ARHGAP24: variants seen among roughly 807,000 people sequenced by gnomAD.
ARHGAP24 encodes rho GTPase-activating protein 24.
A neutral mutation model predicts 76.4 loss-of-function variants in ARHGAP24; 50 were observed. The ratio of observed to expected loss-of-function variants is 0.65; its 90% CI spans 0.52 to 0.83. The LOEUF (loss-of-function observed/expected upper bound fraction) is 0.83, where lower values mean the gene tolerates loss of function less well. ARHGAP24 is among the 40% of genes least tolerant of loss of function. The probability of loss-of-function intolerance (pLI) is 0.00; values close to 1 mark genes in which losing one functional copy is unlikely to be tolerated. For missense variants in ARHGAP24, 930 were observed against 914.2 expected, an observed-to-expected ratio of 1.02 and a Z score of -0.22; for synonymous variants, 345 against 323.3, an observed-to-expected ratio of 1.07 and a Z score of -0.72.
intron 5 of ARHGAP24, among the ~76,000 whole-genome samples, chr4:85,959,902 G>C (rs1259396867): frequency 6.6e-6 from 1 of 152,076 alleles, no homozygotes; most frequent in Non-Finnish European, 1.5e-5. Flanking sequence ...ATTTCCAAGT[G>C]ACTAGTGATG....
At position 85,890,375 on chromosome 4, in the gene ARHGAP24, G is replaced by T. The variant is rs938965836; in HGVS notation, c.269-33273G>T. 5.9e-5 allele frequency among the ~76,000 whole-genome samples: 9 copies of T among 152,192 alleles called. No individual in the cohort carries two copies. In the South Asian group the frequency reaches 6.2e-4, roughly 11 times the overall value. Reference sequence around the variant, plus strand: ...TGGCAGAATTTTTGCTAGTGGCTCAGGATACAAGGATGACTGCATCATTTT... The same window carrying T: ...TGGCAGAATTTTTGCTAGTGGCTCATGATACAAGGATGACTGCATCATTTT... On this transcript the variant is annotated intron_variant, in intron 3 of 9. Coordinates refer to ENST00000395184, the MANE Select transcript of ARHGAP24 (RefSeq NM_001025616.3).
At chr4:85,736,980 T>C (rs1725629535) in intron 3 of ARHGAP24, among the ~76,000 whole-genome samples, 1 of 152,336 alleles carries the variant, frequency 6.6e-6, no homozygotes, top group East Asian at 1.9e-4. Flanking sequence ...TCAAATTCAA[T>C]GATAAGTTTT....
At chr4:85,535,255 G>A (rs1051306381) in intron 1 of ARHGAP24, among the ~76,000 whole-genome samples, 1 of 152,090 alleles carries the variant, frequency 6.6e-6, no homozygotes, top group Non-Finnish European at 1.5e-5. Context: ...AGTCAAAGTG[G>A]TCATTATACC....
Position 85,821,844 on chromosome 4 carries a change from T to C in ARHGAP24, c.268+99872T>C, listed in dbSNP as rs114188035. Among the ~76,000 whole-genome samples the C allele has an allele frequency of 9.5e-3, 1,441 of 152,348 alleles. 27 individuals carry two copies. The highest frequency in any genetic ancestry group is 0.032 in the African/African-American group (1,349 of 41,574). ...AAAAATAACTCGAATGATAACACTA[T>C]TACTTAAAGAGTAGGAATAATGCAA... On this transcript the variant is annotated intron_variant, in intron 3 of 9. Transcript: ENST00000395184.
At chr4:85,811,464 C>G (rs1729008509) in intron 3 of ARHGAP24, among the ~76,000 whole-genome samples, 1 of 152,112 alleles carries the variant, frequency 6.6e-6, no homozygotes, top group South Asian at 2.1e-4. Context: ...ACTTAATATG[C>G]AAGGGGAGCT....
chr4:85,951,982 G>T (rs548577623), intron 5 of ARHGAP24, among the ~76,000 whole-genome samples: 3 of 149,778 alleles, frequency 2.0e-5, no homozygotes, highest in Non-Finnish European at 4.4e-5. Context: ...ATACCATAAA[G>T]TTATTAAGTT....
Position 85,849,712 on chromosome 4 carries a change from G to T in ARHGAP24, c.269-73936G>T, listed in dbSNP as rs1213656877. Among the ~76,000 whole-genome samples the T allele has an allele frequency of 3.3e-5, 5 of 152,054 alleles. No individual in the cohort carries two copies. In the East Asian group the frequency reaches 7.7e-4, roughly 23 times the overall value. On this transcript the variant is annotated intron_variant, in intron 3 of 9. Coordinates refer to ENST00000395184, the MANE Select transcript of ARHGAP24 (RefSeq NM_001025616.3). ...CTGCGTCTATTGAGATAATCATGTGGTTTTTGTCTTTGGTTCTGTTTATGT... is the reference window on the plus strand; with the variant it reads ...CTGCGTCTATTGAGATAATCATGTGTTTTTTGTCTTTGGTTCTGTTTATGT...
At chr4:85,602,864 A>G (rs1303753291) in intron 2 of ARHGAP24, among the ~76,000 whole-genome samples, 2 of 152,218 alleles carry the variant, frequency 1.3e-5, no homozygotes, top group Non-Finnish European at 2.9e-5. Context: ...TGGATTTTAG[A>G]GAAAAATCTT....
In ARHGAP24 at chr4:86,002,353, C is replaced by T. The variant is rs1050850075; in HGVS notation, c.*1631C>T. Reference sequence around the variant, plus strand: ...CTTTATAGCAATAATTTCTTTAATTCCCTTTTCTCTCTCTTTCCAATTATT... The same window carrying T: ...CTTTATAGCAATAATTTCTTTAATTTCCTTTTCTCTCTCTTTCCAATTATT... On this transcript the variant is annotated 3_prime_UTR_variant, in exon 10 of 10. Transcript: ENST00000395184. 7 of 152,150 alleles carry T rather than the reference C, an allele frequency of 4.6e-5. No homozygotes were observed. Among genetic ancestry groups the T allele is most frequent in the Admixed American group, 4.6e-4 (7 of 15,280 alleles). The allele number at this position is 152,150 out of a possible 1,614,324, so 9.4% of individuals were successfully genotyped here. A position where few individuals can be genotyped will look rare whatever the true frequency, so the allele number is the denominator to read the frequency against.
At chr4:85,666,367 G>A in intron 2 of ARHGAP24, among the ~76,000 whole-genome samples, 1 of 152,046 alleles carries the variant, frequency 6.6e-6, no homozygotes, top group East Asian at 1.9e-4. Context: ...GCACTTCTCT[G>A]TATTGGTTAT....
chr4:85,664,789 G>A (rs1440798752), intron 2 of ARHGAP24, among the ~76,000 whole-genome samples: 2 of 152,060 alleles, frequency 1.3e-5, no homozygotes, highest in African/African-American at 2.4e-5. Context: ...TCATTCAGGA[G>A]CAGGTTGTTC....
chr4:85,531,308 G>C (rs921471422), intron 1 of ARHGAP24, among the ~76,000 whole-genome samples: 1 of 152,096 alleles, frequency 6.6e-6, no homozygotes, highest in African/African-American at 2.4e-5. Flanking sequence ...ACTTAGAACA[G>C]TGTCTGGAGT....
At chr4:85,919,517 C>T (rs1287218338) in intron 3 of ARHGAP24, among the ~76,000 whole-genome samples, 1 of 151,948 alleles carries the variant, frequency 6.6e-6, no homozygotes, top group Non-Finnish European at 1.5e-5. Flanking sequence ...TCAATCATGC[C>T]CCACCCCTTG....
At chr4:85,807,188 C>T (rs1037344039) in intron 3 of ARHGAP24, among the ~76,000 whole-genome samples, 2 of 151,996 alleles carry the variant, frequency 1.3e-5, no homozygotes, top group Non-Finnish European at 2.9e-5. Context: ...TATACACATG[C>T]CATGGTGGTT....
intron 1 of ARHGAP24, among the ~76,000 whole-genome samples, chr4:85,484,949 G>A (rs1280708669): frequency 1.3e-5 from 2 of 152,094 alleles, no homozygotes; most frequent in African/African-American, 2.4e-5. Flanking sequence ...TTGGTAGGCT[G>A]TATTTGCTTT....
rs191130424 is a variant in ARHGAP24, at chr4:85,862,802, G to A, written c.269-60846G>A. On this transcript the variant is annotated intron_variant, in intron 3 of 9. Coordinates refer to ENST00000395184, the MANE Select transcript of ARHGAP24 (RefSeq NM_001025616.3). ...ATCTCATATTTTCCTTATTTCTCAC[G>A]TTTAGTTCATTCATAAGTCCTTTCA... Among the ~76,000 whole-genome samples the A allele has an allele frequency of 2.0e-4, 30 of 152,076 alleles. No homozygotes were observed. The East Asian group carries it at 2.3e-3, about 12-fold the overall frequency.
In ARHGAP24 at chr4:85,536,856, T is replaced by C. The variant is rs138455158; in HGVS notation, c.-20-33666T>C. Among the ~76,000 whole-genome samples, 4 of 152,256 alleles carry C rather than the reference T, an allele frequency of 2.6e-5. No homozygotes were observed. The East Asian group carries it at 7.7e-4, about 29-fold the overall frequency. Reference sequence around the variant, plus strand: ...TTGTGTATGAGAGTATTTATAGATATGTAGCAATAAAAGCATATCAACATT... The same window carrying C: ...TTGTGTATGAGAGTATTTATAGATACGTAGCAATAAAAGCATATCAACATT... On this transcript the variant is annotated intron_variant, in intron 1 of 9. Coordinates refer to ENST00000395184, the MANE Select transcript of ARHGAP24 (RefSeq NM_001025616.3).
chr4:85,937,842 G>GA (rs1163350367), intron 4 of ARHGAP24, among the ~76,000 whole-genome samples: 2 of 152,308 alleles, frequency 1.3e-5, no homozygotes, highest in Non-Finnish European at 2.9e-5. Context: ...CAAGTGGATG[G>GA]AAAATGATGA....
rs185990631 is a variant in ARHGAP24, at chr4:85,887,420, C to T, written c.269-36228C>T. ...ACCAAATTTTGATAAAGTTTAATGA[C>T]ATCAAATGAAAATCTATCCTTAAAA... is the stretch of plus-strand genomic sequence containing the variant. On this transcript the variant is annotated intron_variant, in intron 3 of 9. Transcript: ENST00000395184. Among the ~76,000 whole-genome samples, 111 of 152,098 alleles carry T rather than the reference C, an allele frequency of 7.3e-4. 1 individual carries two copies. The highest frequency in any genetic ancestry group is 1.2e-3 in the Non-Finnish European group (81 of 67,942).
Sources: gnomAD v4.1 joint callset for allele counts (sites outside exome capture counted in the v4.1 genomes callset) on GRCh38, gnomAD v4.1.1 for gene constraint, MANE v1.5 for transcripts, NCBI Gene and HGNC (gene_info 2026-07-23, HGNC 2026-07-21) for gene names.